The following CCSER1 variants were observed in gnomAD, a reference collection of about 807,000 sequenced individuals.
The protein encoded by CCSER1 is coiled-coil serine rich protein 1, also known as serine-rich coiled-coil domain-containing protein 1.
Under a neutral mutation model 82.0 loss-of-function variants are expected in CCSER1, and 41 were observed. That is an observed-to-expected ratio of 0.50 (90% CI 0.39 to 0.65). The LOEUF (loss-of-function observed/expected upper bound fraction) is 0.65, where lower values mean the gene tolerates loss of function less well. CCSER1 is among the 30% of genes least tolerant of loss of function. The pLI, the probability that CCSER1 is intolerant of heterozygous loss-of-function variation, is 0.00. For missense variants in CCSER1, 1,119 were observed against 1,064.2 expected (o/e 1.05, Z -0.72); for synonymous variants, 414 against 383.9 (o/e 1.08, Z -0.92).
intron 10 of CCSER1, among the ~76,000 whole-genome samples, chr4:91,426,507 A>G (rs1207064841): frequency 7.3e-6 from 1 of 136,670 alleles, no homozygotes; most frequent in South Asian, 2.2e-4. Flanking sequence ...ACCACGATTT[A>G]AAAAAAAAAA....
chr4:90,357,742 C>T (rs146262071), intron 3 of CCSER1, among the ~76,000 whole-genome samples: 1 of 152,068 alleles, frequency 6.6e-6, no homozygotes, highest in East Asian at 1.9e-4. Context: ...TAATTGACCT[C>T]AAACATCAGG....
At chr4:90,185,027 C>G (rs1263374383) in intron 1 of CCSER1, among the ~76,000 whole-genome samples, 1 of 152,058 alleles carries the variant, frequency 6.6e-6, no homozygotes, top group African/African-American at 2.4e-5. Context: ...AGGATAATCA[C>G]CATCCGTCTC....
intron 8 of CCSER1, among the ~76,000 whole-genome samples, chr4:90,875,654 A>G (rs776428025): frequency 1.4e-4 from 22 of 152,186 alleles, no homozygotes; most frequent in Non-Finnish European, 2.4e-4. Context: ...CTAAGGTATT[A>G]TATAGTTGTA....
intron 4 of CCSER1, among the ~76,000 whole-genome samples, chr4:90,403,222 G>A (rs983405095): frequency 1.3e-4 from 19 of 151,972 alleles, no homozygotes; most frequent in African/African-American, 4.1e-4. Context: ...AGATTAGGCC[G>A]GGCGCGGTGG....
In CCSER1 at chr4:90,913,855, T is replaced by C. The variant is rs540713955; in HGVS notation, c.2095-9515T>C. 1.2e-3 allele frequency among the ~76,000 whole-genome samples: 187 copies of C among 152,134 alleles called. 2 individuals carry two copies. Among genetic ancestry groups the C allele is most frequent in the Middle Eastern group, 3.4e-3 (1 of 294 alleles). On this transcript the variant is annotated intron_variant, in intron 8 of 10. Coordinates refer to ENST00000509176, the MANE Select transcript of CCSER1 (RefSeq NM_001145065.2). ...CAAGGGTTGCAATCCTAGTCTCTGA[T>C]AAAACAGCCTTTAAACCAACAAAAA...
intron 1 of CCSER1, among the ~76,000 whole-genome samples, chr4:90,267,296 A>T (rs7685692): frequency 0.048 from 7,360 of 151,982 alleles, 475 homozygotes; most frequent in African/African-American, 0.15. Context: ...AGACTTTGTC[A>T]TGTGGCTTGT....
At position 91,446,650 on chromosome 4, in the gene CCSER1, A is replaced by G. The variant is rs868290274; in HGVS notation, c.2218-151922A>G. On this transcript the variant is annotated intron_variant, in intron 10 of 10. Coordinates refer to ENST00000509176, the MANE Select transcript of CCSER1 (RefSeq NM_001145065.2). ...GTAATGTCTATGTAATGAATATTTT[A>G]TACAAATATATATTTTAAATAAATA... is the stretch of plus-strand genomic sequence containing the variant. 1.3e-4 allele frequency among the ~76,000 whole-genome samples: 16 copies of G among 126,658 alleles called. No homozygotes were observed. The Middle Eastern group carries it at 0.016, about 126-fold the overall frequency. The allele number at this position is 126,658 out of a possible 152,430, so 83.1% of individuals were successfully genotyped here.
intron 10 of CCSER1, among the ~76,000 whole-genome samples, chr4:91,439,833 G>A (rs1169119798): frequency 6.6e-6 from 1 of 152,118 alleles, no homozygotes; most frequent in Non-Finnish European, 1.5e-5. Context: ...GGATAAAACA[G>A]ACTTTAAACC....
intron 3 of CCSER1, among the ~76,000 whole-genome samples, chr4:90,332,281 G>A (rs1176024620): frequency 1.3e-5 from 2 of 150,860 alleles, no homozygotes; most frequent in African/African-American, 2.4e-5. Context: ...TTATTGCCCA[G>A]GCTGGAGTGC....
chr4:90,280,909 C>T (rs1467660254), intron 1 of CCSER1, among the ~76,000 whole-genome samples: 3 of 151,938 alleles, frequency 2.0e-5, no homozygotes, highest in Admixed American at 2.0e-4. Context: ...TTGTAAATCA[C>T]GTGGTCACAT....
At chr4:90,477,685 G>T (rs1395450327) in intron 5 of CCSER1, among the ~76,000 whole-genome samples, 7 of 150,322 alleles carry the variant, frequency 4.7e-5, no homozygotes, top group African/African-American at 1.7e-4. Context: ...AATGTTTCCT[G>T]GTTTTTTTTT....
chr4:90,943,220 A>C (rs1731805623), intron 9 of CCSER1, among the ~76,000 whole-genome samples: 1 of 152,026 alleles, frequency 6.6e-6, no homozygotes, highest in Non-Finnish European at 1.5e-5. Flanking sequence ...AGAACAAGTA[A>C]CTTTGGCAAG....
intron 10 of CCSER1, among the ~76,000 whole-genome samples, chr4:91,271,185 A>G (rs1741999327): frequency 6.6e-6 from 1 of 152,206 alleles, no homozygotes; most frequent in Admixed American, 6.5e-5. Context: ...TGAATAATCT[A>G]GGCTTTGTCA....
intron 7 of CCSER1, among the ~76,000 whole-genome samples, chr4:90,809,151 C>CCACACACACA (rs61533923): frequency 1.5e-5 from 1 of 67,598 alleles, no homozygotes; most frequent in Admixed American, 1.4e-4. Context: ...GACCCCATTT[C>CCACACACACA]CACACACACA....
rs533088814 is a variant in CCSER1 at position 90,438,697 on chromosome 4, G to T, written c.1604-29537G>T. On this transcript the variant is annotated intron_variant, in intron 4 of 10. Transcript: ENST00000509176. ...GATTTATTGAAGGAAAACAGGATAT[G>T]TCATGGTAGATCAGCATCCTTGACA... Among the ~76,000 whole-genome samples, 3 of 152,256 alleles carry T rather than the reference G, an allele frequency of 2.0e-5. No homozygotes were observed. The South Asian group carries it at 6.2e-4, about 32-fold the overall frequency.
intron 10 of CCSER1, among the ~76,000 whole-genome samples, chr4:91,290,643 A>G (rs955536080): frequency 6.6e-6 from 1 of 152,012 alleles, no homozygotes; most frequent in Non-Finnish European, 1.5e-5. Context: ...CAATGATTAT[A>G]GTATGTATTT....
At chr4:91,433,259 C>T (rs1370011998) in intron 10 of CCSER1, among the ~76,000 whole-genome samples, 1 of 152,054 alleles carries the variant, frequency 6.6e-6, no homozygotes, top group Non-Finnish European at 1.5e-5. Context: ...TGTGGGTGGT[C>T]CTGTAAAATT....
chr4:91,254,466 G>T (rs528325981), intron 10 of CCSER1, among the ~76,000 whole-genome samples: 1 of 152,252 alleles, frequency 6.6e-6, no homozygotes, highest in South Asian at 2.1e-4. Context: ...AGTACTATCT[G>T]ATTCTACTTA....
At chr4:90,188,892 T>C (rs534986790) in intron 1 of CCSER1, among the ~76,000 whole-genome samples, 1 of 152,070 alleles carries the variant, frequency 6.6e-6, no homozygotes, top group East Asian at 1.9e-4. Context: ...ACTATGGGAA[T>C]AGAAAAAAAT....
Sources: gnomAD v4.1 joint callset for allele counts (sites outside exome capture counted in the v4.1 genomes callset) on GRCh38, gnomAD v4.1.1 for gene constraint, MANE v1.5 for transcripts, NCBI Gene and HGNC (gene_info 2026-07-23, HGNC 2026-07-21) for gene names.